Variants in AP3B2 observed in about 807,000 individuals in gnomAD.
AP3B2 encodes adaptor related protein complex 3 subunit beta 2.
AP3B2 carries 50 observed loss-of-function variants against 126.9 expected under a neutral mutation model. The ratio of observed to expected loss-of-function variants is 0.39; its 90% confidence interval spans 0.31 to 0.50. The LOEUF (loss-of-function observed/expected upper bound fraction) is 0.50, where lower values mean the gene tolerates loss of function less well. Among genes scored for constraint, AP3B2 ranks in the 20% least tolerant of loss-of-function variants. AP3B2 has a pLI of 0.79. For synonymous variants in AP3B2, 541 were observed against 565.0 expected (o/e 0.96, Z 0.60); for missense variants, 1,177 against 1,426.4 (o/e 0.83, Z 2.82).
In AP3B2 at chr15:82,665,191, A is replaced by G; in HGVS notation, c.2028+56T>C. On this transcript the variant is annotated intron_variant, in intron 17 of 26. Transcript: ENST00000535359. This position sits in a 1 kb window ranked among gnomAD's most constrained non-coding sequence, Gnocchi z 4.4. ...GCCCAGGAGCACAACACACAGGGGA[A>G]GAAGAGGGACACAGACAGGGCAGGG... The G allele has an allele frequency of 6.6e-7, 1 of 1,509,586 alleles. No individual in the cohort carries two copies. Among genetic ancestry groups the G allele is most frequent in the South Asian group, 1.2e-5 (1 of 83,334 alleles). 93.5% of individuals were successfully genotyped at this position (1,509,586 alleles called of 1,614,324 possible). A position where few individuals can be genotyped will look rare whatever the true frequency, so the allele number is the denominator to read the frequency against.
In AP3B2 at chr15:82,664,325, C is replaced by G; in HGVS notation, c.2261+42G>C. Reference sequence around the variant, plus strand: ...AATGCTAGCCCTCTTTCCAGGAAAGCCCCCTGAACCCCACCAGCCATCTGG... The same window carrying G: ...AATGCTAGCCCTCTTTCCAGGAAAGGCCCCTGAACCCCACCAGCCATCTGG... On this transcript the variant is annotated intron_variant, in intron 19 of 26. Coordinates refer to ENST00000535359, the MANE Select transcript of AP3B2 (RefSeq NM_001278512.2). The surrounding 1 kb of genome is among the most constrained non-coding windows in gnomAD (Gnocchi z 4.5). The G allele has an allele frequency of 6.2e-7, 1 of 1,612,430 alleles. No homozygotes were observed. Among genetic ancestry groups the G allele is most frequent in the Non-Finnish European group, 8.5e-7 (1 of 1,179,582 alleles).
rs377065232 is a variant in AP3B2 at position 82,689,450 on chromosome 15, A to G, written c.117T>C (p.His39=). 2.4e-5 allele frequency: 38 copies of G among 1,613,360 alleles called. No individual in the cohort carries two copies. Among genetic ancestry groups the G allele is most frequent in the Non-Finnish European group, 3.0e-5 (35 of 1,179,686 alleles). ...GGIFSSDYKR[H]DDLKEMLDTN... ...TGTCCAGCATCTCCTTCAGGTCATCATGCCTGGTGGGAGGTACAAGAAGTC... is the reference window on the plus strand; with the variant it reads ...TGTCCAGCATCTCCTTCAGGTCATCGTGCCTGGTGGGAGGTACAAGAAGTC... The change falls in exon 2 of 27, where the codon CAT becomes CAC. Residue 39 remains histidine (H), a synonymous_variant. Transcript: ENST00000535359.
At position 82,680,934 on chromosome 15, in the gene AP3B2, C is replaced by G. The variant is rs1257764442; in HGVS notation, c.674G>C (p.Cys225Ser). 1 of 1,613,852 alleles carries G rather than the reference C, an allele frequency of 6.2e-7. No homozygotes were observed. Among genetic ancestry groups the G allele is most frequent in the East Asian group, 2.2e-5 (1 of 44,878 alleles). The change falls in exon 7 of 27, where the codon TGT becomes TCT. Residue 225 changes from cysteine to serine, a missense_variant. Cys to Ser is a moderately radical substitution (Grantham distance 112). This residue lies in a region of AP3B2 where 130 missense variants were observed against 262.0 expected (regional missense o/e 0.50). Coordinates refer to ENST00000535359, the MANE Select transcript of AP3B2 (RefSeq NM_001278512.2). This position sits in a 1 kb window ranked among gnomAD's most constrained non-coding sequence, Gnocchi z 6.1. ...DLIHKNYRKL[C>S]NLLIDVEEWG... ...CTCCTCCACGTCGATCAGCAGGTTA[C>G]AGAGTTTCCGGTAGTTTTTGTGAAT...
chr15:82,659,837 C>T lies in AP3B2; in HGVS notation c.3155+8G>A, dbSNP rs914468943. 3 of 1,613,736 alleles carry T rather than the reference C, an allele frequency of 1.9e-6. No individual in the cohort carries two copies. Among genetic ancestry groups the T allele is most frequent in the African/African-American group, 1.3e-5 (1 of 74,914 alleles). On this transcript the variant is annotated splice_region_variant and intron_variant, in intron 26 of 26. Transcript: ENST00000535359. ...CTCATCATTTCCCCTCTACTGGTGG[C>T]CTAGTACCTGTACTCATCAGATGTC...
At chr15:82,679,157 C>T (rs2048289136) in intron 10 of AP3B2, among the ~76,000 whole-genome samples, 2 of 152,130 alleles carry the variant, frequency 1.3e-5, no homozygotes, top group African/African-American at 4.8e-5. Flanking sequence ...GAGTTTCGCT[C>T]TTGTCACCCA....
chr15:82,685,677 C>A (rs534994271), intron 4 of AP3B2: 12 of 151,824 alleles, frequency 7.9e-5, no homozygotes, highest in South Asian at 2.1e-4. Flanking sequence ...AGAAAGTTAT[C>A]AAAAAAAATG....
At chr15:82,660,778 CTGTTCA>C (rs751433990) in intron 25 of AP3B2, among the ~76,000 whole-genome samples, 30 of 152,284 alleles carry the variant, frequency 2.0e-4, no homozygotes, top group Non-Finnish European at 3.4e-4. Context: ...TTCCTTCAAT[CTGTTCA>C]TGTTCAAGTG....
intron 4 of AP3B2, among the ~76,000 whole-genome samples, chr15:82,684,588 G>A (rs2048395916): frequency 6.6e-6 from 1 of 152,104 alleles, no homozygotes; most frequent in Non-Finnish European, 1.5e-5. Flanking sequence ...GTGTTTACTG[G>A]AGAAGCACCT....
intron 15 of AP3B2, 71 bp downstream of exon 15, chr15:82,666,676 G>C: frequency 6.6e-7 from 1 of 1,520,442 alleles, no homozygotes; most frequent in East Asian, 2.3e-5. Context: ...CCTCAGGAAG[G>C]TCTGGGGCAG....
intron 1 of AP3B2, among the ~76,000 whole-genome samples, chr15:82,695,919 T>C (rs553342118): frequency 2.7e-4 from 41 of 152,116 alleles, no homozygotes; most frequent in Admixed American, 1.1e-3. Context: ...GGAGAACAGG[T>C]TGTTGGTGGG....
chr15:82,678,674 C>T (rs941550456), intron 10 of AP3B2, among the ~76,000 whole-genome samples: 5 of 152,194 alleles, frequency 3.3e-5, no homozygotes, highest in Non-Finnish European at 7.3e-5. Flanking sequence ...TCATATCCTC[C>T]GGGAAAACTT....
At chr15:82,662,127 C>T (rs762094650) in intron 24 of AP3B2, 41 bp downstream of exon 24, 12 of 1,536,138 alleles carry the variant, frequency 7.8e-6, no homozygotes, top group Non-Finnish European at 9.8e-6. Context: ...CTGTCCCTTT[C>T]CAGCCCATCC....
At position 82,664,806 on chromosome 15, in the gene AP3B2, A is replaced by G; in HGVS notation, c.2137+29T>C. ...TCACACAGATGCATGGGCAGAGCAC[A>G]GAGGACCCCAGCTCTGCCATCTGCT... On this transcript the variant is annotated intron_variant, in intron 18 of 26. Coordinates refer to ENST00000535359, the MANE Select transcript of AP3B2 (RefSeq NM_001278512.2). The surrounding 1 kb of genome is among the most constrained non-coding windows in gnomAD (Gnocchi z 4.5). The G allele has an allele frequency of 6.7e-7, 1 of 1,494,338 alleles. No homozygotes were observed. The allele number at this position is 1,494,338 out of a possible 1,614,324, so 92.6% of individuals were successfully genotyped here. A position where few individuals can be genotyped will look rare whatever the true frequency, so the allele number is the denominator to read the frequency against.
intron 1 of AP3B2, chr15:82,698,012 CCT>C (rs2048656605): frequency 6.5e-6 from 1 of 152,762 alleles, no homozygotes; most frequent in East Asian, 1.9e-4. Flanking sequence ...CACCAGCTTC[CCT>C]GAGATATGAA....
rs2047978141 is a variant in AP3B2, at chr15:82,662,874, C to G, written c.2653G>C (p.Val885Leu). 1 of 1,613,480 alleles carries G rather than the reference C, an allele frequency of 6.2e-7. No individual in the cohort carries two copies. Among genetic ancestry groups the G allele is most frequent in the African/African-American group, 1.3e-5 (1 of 74,900 alleles). The stretch of plus-strand genomic sequence containing the variant: ...TCCACAGCCAGCCCCTCGCCAGCTA[C>G]CCGGTGCAGCAGCTCCTGCCGCCCA... Reference protein sequence around the residue: ...GVGRQELLHRVAGEGLAVDYT... With the variant: ...GVGRQELLHRLAGEGLAVDYT... Residue 885 changes from valine (V) to leucine (L), a missense_variant, in exon 23 of 27, where the codon GTA becomes CTA. Transcript: ENST00000535359.
chr15:82,681,096 G>A lies in AP3B2; in HGVS notation c.588+16C>T, dbSNP rs1413657510. 1 of 1,613,366 alleles carries A rather than the reference G, an allele frequency of 6.2e-7. No individual in the cohort carries two copies. Among genetic ancestry groups the A allele is most frequent in the East Asian group, 2.2e-5 (1 of 44,850 alleles). On this transcript the variant is annotated intron_variant, in intron 6 of 26. Coordinates refer to ENST00000535359, the MANE Select transcript of AP3B2 (RefSeq NM_001278512.2). This position sits in a 1 kb window ranked among gnomAD's most constrained non-coding sequence, Gnocchi z 4.0. ...TGCCGGTCACCACCCCTCCCGGAGC[G>A]CCCCTATACACGCACCGTGGTCTTG... is the stretch of plus-strand genomic sequence containing the variant.
intron 25 of AP3B2, 25 bp from the exon 26 acceptor site, chr15:82,660,008 GCAGAGGCCATGGTGGGTA>G: frequency 6.2e-7 from 1 of 1,612,358 alleles, no homozygotes; most frequent in Non-Finnish European, 8.5e-7. Flanking sequence ...CGTGATGAGG[GCAGAGGCCATGGTGGGTA>G]CAGAGGCCAG....
chr15:82,696,606 C>A (rs1018324115), intron 1 of AP3B2, among the ~76,000 whole-genome samples: 16 of 152,120 alleles, frequency 1.1e-4, no homozygotes, highest in Non-Finnish European at 1.3e-4. Context: ...AACTGATATA[C>A]ATGTATAAGG....
rs1197168314 is a variant in AP3B2 at position 82,690,692 on chromosome 15, C to T, written c.114-1239G>A. Among the ~76,000 whole-genome samples the T allele has an allele frequency of 1.8e-5, 2 of 111,606 alleles. 1 individual carries two copies. The highest frequency in any genetic ancestry group is 3.5e-5 in the Non-Finnish European group (2 of 57,734). The allele number at this position is 111,606 out of a possible 152,430, so 73.2% of individuals were successfully genotyped here. A position where few individuals can be genotyped will look rare whatever the true frequency, so the allele number is the denominator to read the frequency against. Reference sequence around the variant, plus strand: ...TTTGTGAGATGGAGTCTCGCTCTGTCGCCCAGGCTGGAGTGCAGTGGCGCA... The same window carrying T: ...TTTGTGAGATGGAGTCTCGCTCTGTTGCCCAGGCTGGAGTGCAGTGGCGCA... On this transcript the variant is annotated intron_variant, in intron 1 of 26. Coordinates refer to ENST00000535359, the MANE Select transcript of AP3B2 (RefSeq NM_001278512.2).
Sources: allele counts gnomAD v4.1 joint callset (sites outside exome capture counted in the v4.1 genomes callset), GRCh38; gene constraint gnomAD v4.1.1; regional missense constraint gnomAD v4.1.1; non-coding constraint Gnocchi (gnomAD v3.1); transcripts MANE v1.5; gene names NCBI Gene and HGNC (gene_info 2026-07-23, HGNC 2026-07-21).